The following IFRD1 variants were observed in gnomAD, a reference collection of about 807,000 sequenced individuals.
The protein encoded by IFRD1 is interferon related developmental regulator 1, also known as interferon-related developmental regulator 1.
A neutral mutation model predicts 52.9 loss-of-function variants in IFRD1; 35 were observed. The ratio of observed to expected loss-of-function variants is 0.66; its 90% confidence interval spans 0.51 to 0.88. The LOEUF (loss-of-function observed/expected upper bound fraction) is 0.88. Ranked by LOEUF, IFRD1 falls within the 40% of genes least tolerant of loss-of-function variation. The probability of loss-of-function intolerance (pLI) is 0.00; values close to 1 mark genes in which losing one functional copy is unlikely to be tolerated. For missense variants in IFRD1, 517 were observed against 550.8 expected (o/e 0.94, Z 0.61); for synonymous variants, 184 against 188.4 (o/e 0.98, Z 0.19).
intron 1 of IFRD1, among the ~76,000 whole-genome samples, chr7:112,441,845 A>G (rs921727280): frequency 2.6e-5 from 4 of 152,188 alleles, no homozygotes; most frequent in Non-Finnish European, 5.9e-5. Flanking sequence ...TGCTTAGTAT[A>G]TAGTGGACAC....
At chr7:112,474,448 A>G (rs10953712) in intron 11 of IFRD1, among the ~76,000 whole-genome samples, 70,465 of 151,982 alleles carry the variant, frequency 0.46, 16,782 homozygotes, top group Non-Finnish European at 0.51. Context: ...GTGGGTGTGA[A>G]GTGTTTAATT....
At chr7:112,427,509 T>G (rs994387681) in intron 1 of IFRD1, among the ~76,000 whole-genome samples, 3 of 152,248 alleles carry the variant, frequency 2.0e-5, no homozygotes, top group African/African-American at 7.2e-5. Context: ...CTCAGTAGCT[T>G]AGCAATTACC....
rs143184763 is a variant in IFRD1 at position 112,464,771 on chromosome 7, A to G, written c.906+2393A>G. On this transcript the variant is annotated intron_variant, in intron 8 of 11. Transcript: ENST00000403825. ...CTCACTTGGGAAAATTTAACAAAAT[A>G]TAGTTAGACCTTTTCCAGGTCTCAC... Among the ~76,000 whole-genome samples, 14 of 152,308 alleles carry G rather than the reference A, an allele frequency of 9.2e-5. No homozygotes were observed. In the East Asian group the frequency reaches 2.3e-3, roughly 25 times the overall value.
chr7:112,474,939 T>C (rs1795856845), intron 11 of IFRD1, among the ~76,000 whole-genome samples: 1 of 151,588 alleles, frequency 6.6e-6, no homozygotes, highest in South Asian at 2.1e-4. Flanking sequence ...TTTCTTAATA[T>C]GGAATAGCCA....
chr7:112,434,699 T>G (rs1794630191), intron 1 of IFRD1, among the ~76,000 whole-genome samples: 1 of 152,176 alleles, frequency 6.6e-6, no homozygotes, highest in South Asian at 2.1e-4. Context: ...AACTTTAACT[T>G]TCAACTACAC....
At chr7:112,463,912 C>T (rs1273326649) in intron 8 of IFRD1, among the ~76,000 whole-genome samples, 1 of 149,788 alleles carries the variant, frequency 6.7e-6, no homozygotes, top group African/African-American at 2.5e-5. Context: ...TATCTTTTCT[C>T]CAACTTAATA....
intron 1 of IFRD1, among the ~76,000 whole-genome samples, chr7:112,431,074 G>C (rs910117193): frequency 4.0e-5 from 6 of 151,460 alleles, no homozygotes; most frequent in Non-Finnish European, 7.4e-5. Flanking sequence ...ATTATTTTTC[G>C]AGCGTATTGC....
chr7:112,441,228 C>G (rs1419080052), intron 1 of IFRD1, among the ~76,000 whole-genome samples: 1 of 151,930 alleles, frequency 6.6e-6, no homozygotes, highest in Admixed American at 6.6e-5. Flanking sequence ...TGAGCCAACA[C>G]CACGCCACTG....
At chr7:112,446,752 T>A (rs1477928812), upstream of IFRD1, among the ~76,000 whole-genome samples, 1 of 152,156 alleles carries the variant, frequency 6.6e-6, no homozygotes, top group Admixed American at 6.5e-5. Context: ...GAATGAACTT[T>A]GTGTTTTTAA....
chr7:112,424,896 T>C (rs1471283053), intron 1 of IFRD1, among the ~76,000 whole-genome samples: 1 of 152,234 alleles, frequency 6.6e-6, no homozygotes, highest in Non-Finnish European at 1.5e-5. Flanking sequence ...TTTTTGAATT[T>C]ATTGATATTT....
Position 112,476,925 on chromosome 7 carries a change from C to T in IFRD1, c.*1406C>T, listed in dbSNP as rs1054043. 0.47 allele frequency: 71,112 copies of T among 151,848 alleles called. 17,089 individuals are homozygous for T. The highest frequency in any genetic ancestry group is 0.51 in the Non-Finnish European group (34,910 of 67,974). 9.4% of individuals were successfully genotyped at this position (151,848 alleles called of 1,614,324 possible). A position where few individuals can be genotyped will look rare whatever the true frequency, so the allele number is the denominator to read the frequency against. On this transcript the variant is annotated 3_prime_UTR_variant, in exon 12 of 12. Coordinates refer to ENST00000403825, the MANE Select transcript of IFRD1 (RefSeq NM_001550.4). ...CTAGTGTTCCCCTCCCACATCCCAA[C>T]AACTCTTGGAAGTCTGGTGCTCCCT... is the stretch of plus-strand genomic sequence containing the variant.
At chr7:112,443,077 A>C (rs1374087166) in intron 1 of IFRD1, among the ~76,000 whole-genome samples, 7 of 152,202 alleles carry the variant, frequency 4.6e-5, no homozygotes, top group African/African-American at 1.7e-4. Context: ...GGAAGAGTGA[A>C]GTTACTTGCT....
chr7:112,468,144 C>G, intron 9 of IFRD1, 29 bp downstream of exon 9: 1 of 1,610,252 alleles, frequency 6.2e-7, no homozygotes, highest in Non-Finnish European at 8.5e-7. Context: ...GTAATAGCTT[C>G]TCATTTTGAA....
chr7:112,467,689 A>G, intron 8 of IFRD1: 1 of 382,566 alleles, frequency 2.6e-6, no homozygotes, highest in Non-Finnish European at 5.0e-6. Flanking sequence ...TTGAAATCCC[A>G]GTAATGTCTT....
intron 9 of IFRD1, among the ~76,000 whole-genome samples, chr7:112,471,376 A>G (rs1031853153): frequency 6.6e-6 from 1 of 152,116 alleles, no homozygotes; most frequent in Non-Finnish European, 1.5e-5. Context: ...TACATTATAT[A>G]CTTTGTCTGC....
chr7:112,428,289 G>C (rs1443035358), intron 1 of IFRD1, among the ~76,000 whole-genome samples: 2 of 152,152 alleles, frequency 1.3e-5, no homozygotes, highest in Admixed American at 1.3e-4. Context: ...CTTTAATGAA[G>C]AGTATTAACC....
chr7:112,459,668 G>A (rs1795382975), intron 5 of IFRD1, among the ~76,000 whole-genome samples: 1 of 152,112 alleles, frequency 6.6e-6, no homozygotes, highest in Admixed American at 6.5e-5. Flanking sequence ...TGTCTAAGTA[G>A]CTTGGTAAAA....
At chr7:112,454,687 T>TA in intron 1 of IFRD1, among the ~76,000 whole-genome samples, 1 of 152,142 alleles carries the variant, frequency 6.6e-6, no homozygotes, top group Non-Finnish European at 1.5e-5. Context: ...ATGTGTAACC[T>TA]AAAAACCCAT....
upstream of IFRD1, among the ~76,000 whole-genome samples, chr7:112,448,125 T>A (rs544792571): frequency 2.9e-4 from 16 of 55,074 alleles, no homozygotes; most frequent in African/African-American, 7.6e-4. Context: ...GCCTGTAGAT[T>A]TAAAAAAAAA....
Sources: gnomAD v4.1 joint callset for allele counts (sites outside exome capture counted in the v4.1 genomes callset) on GRCh38, gnomAD v4.1.1 for gene constraint, MANE v1.5 for transcripts, NCBI Gene and HGNC (gene_info 2026-07-23, HGNC 2026-07-21) for gene names.